Variants in ADAM32 observed in about 807,000 individuals in gnomAD.
ADAM32 encodes the protein disintegrin and metalloproteinase domain-containing protein 32.
A neutral mutation model predicts 114.9 loss-of-function variants in ADAM32; 89 were observed. The observed-to-expected ratio is 0.77, with a 90% confidence interval of 0.65 to 0.92. The LOEUF is 0.92. Ranked by LOEUF, ADAM32 falls within the 40% of genes least tolerant of loss-of-function variation. ADAM32 has a pLI of 0.00. For synonymous variants in ADAM32, 285 were observed against 307.5 expected (o/e 0.93, Z 0.77); for missense variants, 870 against 932.8 (o/e 0.93, Z 0.88).
rs754204935 is a variant in ADAM32 at position 39,211,174 on chromosome 8, T to C, written c.1083T>C (p.Ser361=). Residue 361 remains serine, a synonymous_variant, in exon 12 of 25, where the codon AGT becomes AGC. Transcript: ENST00000379907. ...CCAATGGTGTGAAGACTTTTAGCAG[T>C]TGCAGTTTGAGGAGCTTTCAAAATT... ...VQSNGVKTFS[S]CSLRSFQNFI... is the part of the protein sequence containing the mutation. 11 of 1,601,968 alleles carry C rather than the reference T, an allele frequency of 6.9e-6. No homozygotes were observed. The South Asian group carries it at 1.1e-4, about 16-fold the overall frequency.
At chr8:39,190,465 T>G (rs1181132493) in intron 11 of ADAM32, among the ~76,000 whole-genome samples, 1 of 152,248 alleles carries the variant, frequency 6.6e-6, no homozygotes, top group Non-Finnish European at 1.5e-5. Flanking sequence ...TTGAGAAACC[T>G]CCACAATACT....
intron 2 of ADAM32, among the ~76,000 whole-genome samples, chr8:39,122,860 C>T (rs371220180): frequency 5.3e-5 from 8 of 152,222 alleles, no homozygotes; most frequent in African/African-American, 1.9e-4. Flanking sequence ...TGAGCCACCA[C>T]ACCTGGTCCT....
intron 2 of ADAM32, among the ~76,000 whole-genome samples, chr8:39,132,506 A>G (rs1802525909): frequency 6.6e-6 from 1 of 152,220 alleles, no homozygotes; most frequent in South Asian, 2.1e-4. Context: ...ACCCAACTAT[A>G]TATCATCATA....
intron 11 of ADAM32, among the ~76,000 whole-genome samples, chr8:39,193,190 T>A (rs1472256603): frequency 6.6e-6 from 1 of 152,212 alleles, no homozygotes; most frequent in Non-Finnish European, 1.5e-5. Flanking sequence ...GAGGTTTTGT[T>A]CTTTCCTTTA....
chr8:39,178,731 T>C (rs888606273), intron 10 of ADAM32, among the ~76,000 whole-genome samples: 2 of 152,142 alleles, frequency 1.3e-5, no homozygotes, highest in Non-Finnish European at 2.9e-5. Context: ...ATTTTGATGT[T>C]ATTGTTGTGG....
chr8:39,271,205 T>C (rs1220326615), intron 20 of ADAM32, among the ~76,000 whole-genome samples: 3 of 152,204 alleles, frequency 2.0e-5, no homozygotes, highest in Non-Finnish European at 4.4e-5. Flanking sequence ...GGCCTAGAAG[T>C]TACCCAGCTT....
At chr8:39,145,758 G>C (rs556497396) in intron 3 of ADAM32, among the ~76,000 whole-genome samples, 3 of 151,998 alleles carry the variant, frequency 2.0e-5, no homozygotes, top group African/African-American at 7.2e-5. Flanking sequence ...TTGAGACAGG[G>C]TCTCTCTCTG....
At chr8:39,150,354 G>A (rs1803749358) in intron 5 of ADAM32, among the ~76,000 whole-genome samples, 1 of 152,006 alleles carries the variant, frequency 6.6e-6, no homozygotes, top group African/African-American at 2.4e-5. Flanking sequence ...TCTAAGACAG[G>A]TTTGAGTCAA....
rs992502237 is a variant in ADAM32, at chr8:39,277,360, A to G, written c.2279+1494A>G. On this transcript the variant is annotated intron_variant, in intron 22 of 24. Transcript: ENST00000379907. ...AACTATTCATTTGAATTTTAGTAAC[A>G]TCATTTGACATGGTGGCTGTGCTTT... 2.6e-5 allele frequency among the ~76,000 whole-genome samples: 4 copies of G among 152,350 alleles called. No individual in the cohort carries two copies. The East Asian group carries it at 7.7e-4, about 29-fold the overall frequency.
chr8:39,226,897 TC>T (rs1165061636), intron 14 of ADAM32, among the ~76,000 whole-genome samples: 6 of 152,204 alleles, frequency 3.9e-5, no homozygotes, highest in Admixed American at 3.3e-4. Context: ...GCGATGTGTC[TC>T]TAGTATAAAG....
At chr8:39,224,368 T>A (rs767218817) in intron 14 of ADAM32, among the ~76,000 whole-genome samples, 3 of 152,224 alleles carry the variant, frequency 2.0e-5, no homozygotes, top group Non-Finnish European at 2.9e-5. Flanking sequence ...CCTTAGCAGC[T>A]GTACCAACTT....
intron 11 of ADAM32, among the ~76,000 whole-genome samples, chr8:39,190,060 C>T (rs191079457): frequency 7.8e-4 from 119 of 152,258 alleles, no homozygotes; most frequent in African/African-American, 2.6e-3. Context: ...CCTCGTGATC[C>T]GCCTGCCTTG....
rs560836340 is a variant in ADAM32 at position 39,220,537 on chromosome 8, G to A, written c.1234-1073G>A. On this transcript the variant is annotated intron_variant, in intron 12 of 24. Coordinates refer to ENST00000379907, the MANE Select transcript of ADAM32 (RefSeq NM_145004.7). ...TAATTTGAAAATTTTCTCCTTTTTT[G>A]ATGTAGGCATTTATTCTTATAAACT... is the stretch of plus-strand genomic sequence containing the variant. Among the ~76,000 whole-genome samples, 3 of 151,882 alleles carry A rather than the reference G, an allele frequency of 2.0e-5. 1 individual carries two copies. The highest frequency in any genetic ancestry group is 7.2e-5 in the African/African-American group (3 of 41,480).
intron 11 of ADAM32, among the ~76,000 whole-genome samples, chr8:39,200,656 T>C (rs1807336915): frequency 6.6e-6 from 1 of 152,246 alleles, no homozygotes; most frequent in African/African-American, 2.4e-5. Flanking sequence ...TTTTGGCTTT[T>C]GTTGCCATTG....
chr8:39,132,797 G>A (rs1006383882), intron 2 of ADAM32, among the ~76,000 whole-genome samples: 1 of 150,578 alleles, frequency 6.6e-6, no homozygotes, highest in Admixed American at 6.6e-5. Flanking sequence ...ACTGCCTTCT[G>A]GCCTACATTA....
intron 3 of ADAM32, among the ~76,000 whole-genome samples, chr8:39,141,317 G>A (rs1803140399): frequency 6.6e-6 from 1 of 152,082 alleles, no homozygotes. Flanking sequence ...GCTTTCTTTT[G>A]TGGGCATTTA....
chr8:39,158,002 T>C (rs1804244193), intron 6 of ADAM32: 1 of 285,230 alleles, frequency 3.5e-6, no homozygotes, highest in South Asian at 4.4e-5. Flanking sequence ...GTGGGTCTTG[T>C]AGGGCAGCTT....
chr8:39,249,288 G>A lies in ADAM32; in HGVS notation c.1902+3122G>A, dbSNP rs145328787. Among the ~76,000 whole-genome samples, 275 of 152,274 alleles carry A rather than the reference G, an allele frequency of 1.8e-3. 1 individual carries two copies. The highest frequency in any genetic ancestry group is 6.4e-3 in the African/African-American group (266 of 41,560). On this transcript the variant is annotated intron_variant, in intron 17 of 24. Coordinates refer to ENST00000379907, the MANE Select transcript of ADAM32 (RefSeq NM_145004.7). ...TTTTTCTTCTTTAGCTTATTGATGT[G>A]AGATGAAGTACATCAGCTAATTTTC...
chr8:39,218,453 G>A (rs1808736925), intron 12 of ADAM32, among the ~76,000 whole-genome samples: 1 of 152,170 alleles, frequency 6.6e-6, no homozygotes, highest in South Asian at 2.1e-4. Context: ...CCCCTTTAGG[G>A]AGCAAGTTCT....
Sources: allele counts gnomAD v4.1 joint callset (sites outside exome capture counted in the v4.1 genomes callset), GRCh38; gene constraint gnomAD v4.1.1; transcripts MANE v1.5; gene names NCBI Gene and HGNC (gene_info 2026-07-23, HGNC 2026-07-21).